The following RGS6 variants were observed in gnomAD, a reference collection of about 807,000 sequenced individuals.
RGS6 encodes regulator of G protein signaling 6.
In RGS6, 30 loss-of-function variants were observed where a neutral mutation model predicts 78.5. That is an observed-to-expected ratio of 0.38 (90% confidence interval 0.29 to 0.52). The LOEUF (loss-of-function observed/expected upper bound fraction) is 0.52. Among genes scored for constraint, RGS6 ranks in the 20% least tolerant of loss-of-function variants. The pLI is 0.85. For missense variants in RGS6, 495 were observed against 609.7 expected, an observed-to-expected ratio of 0.81 and a Z score of 1.98; for synonymous variants, 206 against 206.0, an observed-to-expected ratio of 1.00 and a Z score of 0.00.
chr14:72,473,459 T>G (rs891813027), intron 9 of RGS6, among the ~76,000 whole-genome samples: 1 of 151,986 alleles, frequency 6.6e-6, no homozygotes, highest in African/African-American at 2.4e-5. Context: ...AAAAAAAAAA[T>G]TATTCATTCC....
downstream of RGS6, among the ~76,000 whole-genome samples, chr14:72,569,491 T>G (rs2097717772): frequency 6.6e-6 from 1 of 151,968 alleles, no homozygotes; most frequent in Non-Finnish European, 1.5e-5. Flanking sequence ...GCCAGCCTGG[T>G]CAACATGGTG....
In RGS6 at chr14:72,318,389, G is replaced by A. The variant is rs139343875; in HGVS notation, c.85-33706G>A. Among the ~76,000 whole-genome samples the A allele has an allele frequency of 1.4e-4, 21 of 152,026 alleles. No individual in the cohort carries two copies. The East Asian group carries it at 1.9e-3, about 14-fold the overall frequency. Reference sequence around the variant, plus strand: ...TCTGCCTTTCCCAGCTCACTGACTTGAACGTTAATCTCCTTTGGCCACACC... The same window carrying A: ...TCTGCCTTTCCCAGCTCACTGACTTAAACGTTAATCTCCTTTGGCCACACC... On this transcript the variant is annotated intron_variant, in intron 2 of 17. Transcript: ENST00000553525.
At chr14:72,292,598 T>C (rs114163656) in intron 2 of RGS6, among the ~76,000 whole-genome samples, 4 of 152,336 alleles carry the variant, frequency 2.6e-5, no homozygotes, top group African/African-American at 9.6e-5. Flanking sequence ...CTCTACTGGG[T>C]ATTTTCAAAA....
the RGS6 span, among the ~76,000 whole-genome samples, chr14:71,872,345 T>G: frequency 1.3e-5 from 2 of 152,170 alleles, no homozygotes; most frequent in South Asian, 2.1e-4. Flanking sequence ...TTGCCTGATC[T>G]ATGTGGCATG....
intron 2 of RGS6, among the ~76,000 whole-genome samples, chr14:72,055,142 G>A (rs2093554440): frequency 1.3e-5 from 2 of 152,166 alleles, no homozygotes; most frequent in African/African-American, 4.8e-5. Flanking sequence ...TCTATGCTTA[G>A]AGGAAGTACA....
chr14:72,158,710 A>G (rs757548387), intron 2 of RGS6, among the ~76,000 whole-genome samples: 1 of 152,220 alleles, frequency 6.6e-6, no homozygotes, highest in Non-Finnish European at 1.5e-5. Flanking sequence ...GAGGGGTAAT[A>G]ATAGAGCCAG....
At chr14:71,926,585 G>GA in the RGS6 span, among the ~76,000 whole-genome samples, 1,739 of 51,224 alleles carry the variant, frequency 0.034, 37 homozygotes, top group Middle Eastern at 0.059. Flanking sequence ...CTCTGTCTCA[G>GA]AAAAAAAAAA....
intron 2 of RGS6, among the ~76,000 whole-genome samples, chr14:72,204,950 G>T (rs188841990): frequency 1.2e-4 from 18 of 152,290 alleles, no homozygotes; most frequent in African/African-American, 4.1e-4. Flanking sequence ...GGCCACCATG[G>T]ACTCCAGGCA....
chr14:71,927,751 T>A (rs36336), upstream of RGS6, among the ~76,000 whole-genome samples: 3 of 151,000 alleles, frequency 2.0e-5, no homozygotes, highest in African/African-American at 4.9e-5. Context: ...TCCGCCTCCC[T>A]GGTTCATGCC....
chr14:72,117,290 G>T (rs1210601986), intron 2 of RGS6, among the ~76,000 whole-genome samples: 1 of 152,080 alleles, frequency 6.6e-6, no homozygotes, highest in Non-Finnish European at 1.5e-5. Context: ...GGAGGTGTTT[G>T]GATCATGAGA....
rs576990178 is a variant in RGS6 at position 72,253,170 on chromosome 14, G to A, written c.85-98925G>A. 2.0e-5 allele frequency among the ~76,000 whole-genome samples: 3 copies of A among 152,326 alleles called. No individual in the cohort carries two copies. The East Asian group carries it at 5.8e-4, about 29-fold the overall frequency. On this transcript the variant is annotated intron_variant, in intron 2 of 17. Coordinates refer to ENST00000553525, the MANE Select transcript of RGS6 (RefSeq NM_001204424.2). ...ATATGACTATCCACATCCGTGCTTA[G>A]GCTGTAAGAGCCATCATGTGACTCA...
At chr14:72,361,759 A>T (rs2081501199) in intron 3 of RGS6, among the ~76,000 whole-genome samples, 1 of 152,196 alleles carries the variant, frequency 6.6e-6, no homozygotes, top group Admixed American at 6.5e-5. Flanking sequence ...ACCAGGGATC[A>T]GCAGATGACT....
intron 3 of RGS6, among the ~76,000 whole-genome samples, chr14:72,450,482 AT>A (rs2095467208): frequency 6.6e-6 from 1 of 152,204 alleles, no homozygotes. Context: ...CGTCTGGTGT[AT>A]ATCCTGGATA....
chr14:72,282,839 T>A (rs1216950362), intron 2 of RGS6, among the ~76,000 whole-genome samples: 1 of 152,202 alleles, frequency 6.6e-6, no homozygotes, highest in East Asian at 1.9e-4. Flanking sequence ...ACAGTATTGT[T>A]AATTATAGGG....
intron 4 of RGS6, among the ~76,000 whole-genome samples, chr14:72,457,019 G>A (rs1335377662): frequency 7.0e-6 from 1 of 143,312 alleles, no homozygotes; most frequent in Non-Finnish European, 1.5e-5. Context: ...AGGAGTTCAA[G>A]TCTGCAATGA....
At chr14:72,229,355 C>G (rs1256510218) in intron 2 of RGS6, among the ~76,000 whole-genome samples, 2 of 151,246 alleles carry the variant, frequency 1.3e-5, no homozygotes, top group Non-Finnish European at 2.9e-5. Flanking sequence ...CCTGATCAAG[C>G]AGATCTTGAA....
chr14:72,019,566 G>C (rs76422714), intron 2 of RGS6, among the ~76,000 whole-genome samples: 1 of 152,132 alleles, frequency 6.6e-6, no homozygotes, highest in African/African-American at 2.4e-5. Flanking sequence ...ATGTTGGCAA[G>C]ATATTAGAGA....
At position 72,242,839 on chromosome 14, in the gene RGS6, C is replaced by CTTTTT. The variant is rs35675211; in HGVS notation, c.85-109233_85-109229dup. Among the ~76,000 whole-genome samples, 139 of 69,146 alleles carry CTTTTT rather than the reference C, an allele frequency of 2.0e-3. 1 individual carries two copies. The highest frequency in any genetic ancestry group is 3.9e-3 in the African/African-American group (66 of 16,988). The allele number at this position is 69,146 out of a possible 152,430, so 45.4% of individuals were successfully genotyped here. The stretch of plus-strand genomic sequence containing the variant: ...GTATTTTTCCAACTTCATTTCTTTT[C>CTTTTT]TTTTTTTTTTTTTTTTTTTTTTTTT... On this transcript the variant is annotated intron_variant, in intron 2 of 17. Coordinates refer to ENST00000553525, the MANE Select transcript of RGS6 (RefSeq NM_001204424.2).
At chr14:71,914,567 T>G in the RGS6 span, among the ~76,000 whole-genome samples, 1 of 152,174 alleles carries the variant, frequency 6.6e-6, no homozygotes, top group Admixed American at 6.5e-5. Flanking sequence ...TCCTTGCTGA[T>G]GAGTATTTCA....
Sources: gnomAD v4.1 joint callset for allele counts (sites outside exome capture counted in the v4.1 genomes callset) on GRCh38, gnomAD v4.1.1 for gene constraint, MANE v1.5 for transcripts, NCBI Gene and HGNC (gene_info 2026-07-23, HGNC 2026-07-21) for gene names.